The following PPEF2 variants were observed in gnomAD, a reference collection of about 807,000 sequenced individuals.
The protein encoded by PPEF2 is protein phosphatase with EF-hand domain 2, also known as serine/threonine-protein phosphatase with EF-hands 2.
A neutral mutation model predicts 84.7 loss-of-function variants in PPEF2; 84 were observed. The observed-to-expected ratio is 0.99, with a 90% CI of 0.83 to 1.19. The LOEUF is 1.19. Ranked by LOEUF, PPEF2 falls within the 50% of genes most tolerant of loss-of-function variation. The pLI is 0.00. For synonymous variants in PPEF2, 346 were observed against 345.2 expected (o/e 1.00, Z -0.03); for missense variants, 924 against 937.5 (o/e 0.99, Z 0.19).
chr4:75,884,746 C>T lies in PPEF2; in HGVS notation c.594G>A (p.Ser198=), dbSNP rs374930319. The T allele has an allele frequency of 4.9e-5, 78 of 1,589,422 alleles. No homozygotes were observed. The highest frequency in any genetic ancestry group is 1.8e-4 in the East Asian group (8 of 44,576). Reference sequence around the variant, plus strand: ...CGTTGAACACATATGACCGTTCTGGCGACGGGAGGCCATTCTTTTCAACAA... The same window carrying T: ...CGTTGAACACATATGACCGTTCTGGTGACGGGAGGCCATTCTTTTCAACAA... ...IFIFYKNGLP[S]PERSYVFNGD... Residue 198 remains serine (S), a synonymous_variant, in exon 8 of 17, where the codon TCG becomes TCA. Transcript: ENST00000286719.
At chr4:75,900,941 G>A (rs4859566) in intron 1 of PPEF2, among the ~76,000 whole-genome samples, 149,474 of 152,306 alleles carry the variant, frequency 0.98, 73,422 homozygotes, top group East Asian at 1. Context: ...GATATCATCT[G>A]TATAAAAAAA....
intron 13 of PPEF2, among the ~76,000 whole-genome samples, chr4:75,868,617 G>C (rs1308539349): frequency 6.7e-6 from 1 of 150,082 alleles, no homozygotes; most frequent in East Asian, 2.0e-4. Context: ...AATCACCTGA[G>C]CCTGGGAGGT....
At chr4:75,870,788 A>G (rs1202449361) in intron 13 of PPEF2, among the ~76,000 whole-genome samples, 1 of 152,140 alleles carries the variant, frequency 6.6e-6, no homozygotes, top group Non-Finnish European at 1.5e-5. Flanking sequence ...TGTTGCATAA[A>G]TTTACTGTGA....
rs142675065 is a variant in PPEF2 at position 75,866,240 on chromosome 4, C to T, written c.1869G>A (p.Leu623=). 1.1e-4 allele frequency: 175 copies of T among 1,614,128 alleles called. No homozygotes were observed. In the African/African-American group the frequency reaches 2.1e-3, roughly 20 times the overall value. The part of the protein sequence containing the change: ...QLVNSSADNM[L]EYKSWLKNLA... ...AGTTCTTCAGCCAAGACTTGTACTCCAGCATGTTGTCTGCTGAGCTGTTCA... is the reference window on the plus strand; with the variant it reads ...AGTTCTTCAGCCAAGACTTGTACTCTAGCATGTTGTCTGCTGAGCTGTTCA... Residue 623 remains leucine (L), a synonymous_variant, in exon 15 of 17, where the codon CTG becomes CTA. Coordinates refer to ENST00000286719, the MANE Select transcript of PPEF2 (RefSeq NM_006239.3).
At chr4:75,880,625 A>T (rs1021924) in intron 10 of PPEF2, among the ~76,000 whole-genome samples, 131,758 of 152,142 alleles carry the variant, frequency 0.87, 59,891 homozygotes, top group Non-Finnish European at 0.99. Flanking sequence ...ACATACATGC[A>T]GCTGGACAGA....
chr4:75,881,736 C>T (rs1724579656), intron 10 of PPEF2: 1 of 152,164 alleles, frequency 6.6e-6, no homozygotes, highest in Non-Finnish European at 1.5e-5. Flanking sequence ...GGCAGAGTAA[C>T]AAGAAACCTG....
chr4:75,899,050 A>G (rs1387025155), intron 1 of PPEF2, among the ~76,000 whole-genome samples: 2 of 152,120 alleles, frequency 1.3e-5, no homozygotes, highest in African/African-American at 2.4e-5. Flanking sequence ...TCATTACTCT[A>G]TGCTCAACTT....
At chr4:75,879,837 T>TG (rs1724519624) in intron 10 of PPEF2, among the ~76,000 whole-genome samples, 2 of 32,644 alleles carry the variant, frequency 6.1e-5, no homozygotes, top group South Asian at 0.019. Flanking sequence ...TATTTACTTT[T>TG]ATTTTTTTTT....
At position 75,866,244 on chromosome 4, in the gene PPEF2, A is replaced by T; in HGVS notation, c.1865T>A (p.Met622Lys). 6.2e-7 allele frequency: 1 copy of T among 1,614,106 alleles called. No homozygotes were observed. ...PQLVNSSADN[M>K]LEYKSWLKNL... The stretch of plus-strand genomic sequence containing the variant: ...CTTCAGCCAAGACTTGTACTCCAGC[A>T]TGTTGTCTGCTGAGCTGTTCACCAG... Residue 622 changes from methionine (M) to lysine (K), a missense_variant, in exon 15 of 17, where the codon ATG (methionine) becomes AAG (lysine). Coordinates refer to ENST00000286719, the MANE Select transcript of PPEF2 (RefSeq NM_006239.3).
Position 75,884,722 on chromosome 4 carries a change from G to A in PPEF2, c.618C>T (p.Asn206=), listed in dbSNP as rs762621551. Residue 206 remains asparagine, a synonymous_variant, in exon 8 of 17, where the codon AAC becomes AAT. Transcript: ENST00000286719. ...LPSPERSYVF[N]GDFVDRGKDS... ...CCTTGCCTCGATCCACAAAGTCACC[G>A]TTGAACACATATGACCGTTCTGGCG... The A allele has an allele frequency of 1.6e-5, 26 of 1,610,556 alleles. No homozygotes were observed. Among genetic ancestry groups the A allele is most frequent in the Admixed American group, 8.5e-5 (5 of 58,848 alleles).
chr4:75,884,759 T>C lies in PPEF2; in HGVS notation c.581A>G (p.Asn194Ser). 1 of 1,575,470 alleles carries C rather than the reference T, an allele frequency of 6.3e-7. No homozygotes were observed. Among genetic ancestry groups the C allele is most frequent in the Non-Finnish European group, 8.6e-7 (1 of 1,164,336 alleles). ...TGACCGTTCTGGCGACGGGAGGCCA[T>C]TCTTTTCAACAAGGAGACCAGTGAA... The part of the protein sequence containing the change: ...LDDLIFIFYK[N>S]GLPSPERSYV... Residue 194 changes from asparagine to serine, a missense_variant and splice_region_variant, in exon 8 of 17, where the codon AAT becomes AGT. By Grantham distance (46) the Asn-to-Ser change is conservative (BLOSUM62 1). Transcript: ENST00000286719.
At chr4:75,870,035 T>C (rs1724231263) in intron 13 of PPEF2, among the ~76,000 whole-genome samples, 1 of 152,218 alleles carries the variant, frequency 6.6e-6, no homozygotes, top group African/African-American at 2.4e-5. Flanking sequence ...GTTGTACTTA[T>C]TTAATGCAAT....
At chr4:75,883,527 A>C in intron 8 of PPEF2, 1 of 290,516 alleles carries the variant, frequency 3.4e-6, no homozygotes, top group South Asian at 5.1e-5. Flanking sequence ...TAAATTAAAA[A>C]AAAAATCTGG....
chr4:75,864,477 T>C lies in PPEF2; in HGVS notation c.1971A>G (p.Leu657=), dbSNP rs895662816. 4 of 1,612,694 alleles carry C rather than the reference T, an allele frequency of 2.5e-6. No individual in the cohort carries two copies. The Admixed American group carries it at 6.7e-5, about 27-fold the overall frequency. ...LETLYRNRSN[L]ETIFRIIDSD... ...TGTCTATGATCCTAAAAATGGTCTC[T>C]AGGTTGGATCGGTTTCGATACAATG... The change falls in exon 16 of 17, where the codon CTA becomes CTG. Residue 657 remains leucine (L), a synonymous_variant. Coordinates refer to ENST00000286719, the MANE Select transcript of PPEF2 (RefSeq NM_006239.3).
intron 11 of PPEF2, among the ~76,000 whole-genome samples, chr4:75,873,917 G>A (rs986673086): frequency 4.6e-5 from 7 of 151,734 alleles, no homozygotes; most frequent in Non-Finnish European, 1.0e-4. Context: ...GACCAGCCTG[G>A]TCAACATGTG....
Position 75,875,489 on chromosome 4 carries a change from G to C in PPEF2, c.1320+798C>G, listed in dbSNP as rs538890251. On this transcript the variant is annotated intron_variant, in intron 11 of 16. Coordinates refer to ENST00000286719, the MANE Select transcript of PPEF2 (RefSeq NM_006239.3). Reference sequence around the variant, plus strand: ...CCAGGCATGGTGGTGCACACCGGTAGTCCCAGCTACTGGGGAGGCTGAGGT... The same window carrying C: ...CCAGGCATGGTGGTGCACACCGGTACTCCCAGCTACTGGGGAGGCTGAGGT... Among the ~76,000 whole-genome samples the C allele has an allele frequency of 7.2e-5, 11 of 152,192 alleles. No homozygotes were observed. The South Asian group carries it at 2.3e-3, about 32-fold the overall frequency.
rs1578006063 is a variant in PPEF2 at position 75,876,563 on chromosome 4, G to A, written c.1044C>T (p.Leu348=). ...AAGAGGGAAGAGAGCGGCTTTCGGGGAGAAACCATGGGATGGGTCCCTGTG... is the reference window on the plus strand; with the variant it reads ...AAGAGGGAAGAGAGCGGCTTTCGGGAAGAAACCATGGGATGGGTCCCTGTG... ...SSAQGPIPWF[L]PESRSLPSSP... Residue 348 remains leucine (L), a synonymous_variant, in exon 11 of 17, where the codon CTC becomes CTT. Coordinates refer to ENST00000286719, the MANE Select transcript of PPEF2 (RefSeq NM_006239.3). The A allele has an allele frequency of 6.2e-7, 1 of 1,614,084 alleles. No homozygotes were observed. The highest frequency in any genetic ancestry group is 1.3e-5 in the African/African-American group (1 of 75,064).
chr4:75,869,456 A>G (rs978287490), intron 13 of PPEF2, among the ~76,000 whole-genome samples: 1 of 152,194 alleles, frequency 6.6e-6, no homozygotes. Flanking sequence ...CCAGATACCT[A>G]TCTGGCTATG....
chr4:75,901,390 C>T lies in PPEF2; in HGVS notation c.-59+840G>A, dbSNP rs746193148. On this transcript the variant is annotated intron_variant, in intron 1 of 16. Coordinates refer to ENST00000286719, the MANE Select transcript of PPEF2 (RefSeq NM_006239.3). Reference sequence around the variant, plus strand: ...AATTAGCTGGGCATGGTGGCACATGCCTATAATACCAGCTACACTATTTGG... The same window carrying T: ...AATTAGCTGGGCATGGTGGCACATGTCTATAATACCAGCTACACTATTTGG... Among the ~76,000 whole-genome samples the T allele has an allele frequency of 1.4e-4, 21 of 152,082 alleles. No individual in the cohort carries two copies. The Middle Eastern group carries it at 0.01, about 74-fold the overall frequency.
Sources: allele counts gnomAD v4.1 joint callset (sites outside exome capture counted in the v4.1 genomes callset), GRCh38; gene constraint gnomAD v4.1.1; transcripts MANE v1.5; gene names NCBI Gene and HGNC (gene_info 2026-07-23, HGNC 2026-07-21).